IMMP2L: variants seen among roughly 807,000 people sequenced by gnomAD.
IMMP2L encodes inner mitochondrial membrane peptidase subunit 2.
Under a neutral mutation model 19.3 loss-of-function variants are expected in IMMP2L, and 18 were observed. That is an observed-to-expected ratio of 0.93 (90% CI 0.64 to 1.38). The LOEUF is 1.38. Ranked by LOEUF, IMMP2L falls within the 40% of genes most tolerant of loss-of-function variation. The pLI, the probability that IMMP2L is intolerant of heterozygous loss-of-function variation, is 0.00. For synonymous variants in IMMP2L, 76 were observed against 73.0 expected (o/e 1.04, Z -0.21); for missense variants, 233 against 218.2 (o/e 1.07, Z -0.43).
intron 3 of IMMP2L, among the ~76,000 whole-genome samples, chr7:111,199,048 G>T (rs777771984): frequency 6.6e-6 from 1 of 151,802 alleles, no homozygotes; most frequent in Non-Finnish European, 1.5e-5. Flanking sequence ...CTACATTTTC[G>T]AACTGCATTT....
At chr7:111,178,357 C>CT (rs1807310297) in intron 3 of IMMP2L, among the ~76,000 whole-genome samples, 1 of 152,084 alleles carries the variant, frequency 6.6e-6, no homozygotes, top group Non-Finnish European at 1.5e-5. Flanking sequence ...AATCCTTTAG[C>CT]TACTAGGGGG....
chr7:111,387,975 TAA>T (rs750267136), intron 3 of IMMP2L, among the ~76,000 whole-genome samples: 34 of 93,410 alleles, frequency 3.6e-4, no homozygotes, highest in African/African-American at 7.8e-4. Context: ...ACTCTGTCTT[TAA>T]AAAAAAAAAA....
intron 1 of IMMP2L, among the ~76,000 whole-genome samples, chr7:111,543,355 C>T (rs1341568606): frequency 6.6e-6 from 1 of 152,138 alleles, no homozygotes; most frequent in East Asian, 1.9e-4. Context: ...TAGTCACCTC[C>T]TGTACCTGGT....
chr7:111,386,464 T>C (rs1009263905), intron 3 of IMMP2L, among the ~76,000 whole-genome samples: 6 of 152,132 alleles, frequency 3.9e-5, no homozygotes, highest in African/African-American at 9.7e-5. Flanking sequence ...ATTGGCCCTA[T>C]GTAACCCCCA....
intron 3 of IMMP2L, among the ~76,000 whole-genome samples, chr7:111,249,608 A>G (rs187784028): frequency 2.6e-5 from 4 of 152,208 alleles, no homozygotes; most frequent in Non-Finnish European, 2.9e-5. Context: ...ATCCATTTAG[A>G]AGAGAAAGTC....
intron 3 of IMMP2L, among the ~76,000 whole-genome samples, chr7:110,965,826 G>T (rs1024766300): frequency 7.2e-5 from 11 of 152,056 alleles, no homozygotes; most frequent in African/African-American, 2.6e-4. Flanking sequence ...GCTGTTGAGG[G>T]ATTAGGGACA....
intron 5 of IMMP2L, among the ~76,000 whole-genome samples, chr7:110,876,731 T>C (rs112541688): frequency 0.041 from 6,243 of 152,206 alleles, 190 homozygotes; most frequent in Middle Eastern, 0.082. Context: ...TTTGAACCAA[T>C]AGTATTATCA....
intron 5 of IMMP2L, among the ~76,000 whole-genome samples, chr7:110,718,949 T>C (rs948668039): frequency 6.6e-6 from 1 of 152,102 alleles, no homozygotes; most frequent in African/African-American, 2.4e-5. Context: ...AATGACTAGA[T>C]CAAGGGGTCC....
chr7:111,111,583 C>A (rs1329430261), intron 3 of IMMP2L, among the ~76,000 whole-genome samples: 2 of 152,024 alleles, frequency 1.3e-5, no homozygotes, highest in East Asian at 3.9e-4. Context: ...GTATAGTAGT[C>A]AAATATTATA....
intron 5 of IMMP2L, among the ~76,000 whole-genome samples, chr7:110,779,062 T>C (rs1562970058): frequency 6.6e-6 from 1 of 151,976 alleles, no homozygotes; most frequent in Non-Finnish European, 1.5e-5. Flanking sequence ...GTAACGATTT[T>C]ATAAAATTTG....
intron 3 of IMMP2L, among the ~76,000 whole-genome samples, chr7:111,281,959 T>A (rs1429683024): frequency 7.2e-5 from 11 of 152,200 alleles, no homozygotes; most frequent in Non-Finnish European, 1.2e-4. Context: ...GCTAAGTTAT[T>A]TAGTATTATT....
intron 3 of IMMP2L, among the ~76,000 whole-genome samples, chr7:111,282,330 T>C (rs1819980548): frequency 6.6e-6 from 1 of 152,190 alleles, no homozygotes; most frequent in Admixed American, 6.5e-5. Context: ...CTTACAAAAA[T>C]GGAAATTCGG....
At chr7:110,693,511 G>A (rs1793658516) in intron 5 of IMMP2L, among the ~76,000 whole-genome samples, 1 of 152,136 alleles carries the variant, frequency 6.6e-6, no homozygotes, top group Non-Finnish European at 1.5e-5. Flanking sequence ...ATGAAACTAT[G>A]GGAACAGGAC....
intron 2 of IMMP2L, among the ~76,000 whole-genome samples, chr7:111,500,209 T>C (rs1040461179): frequency 6.6e-6 from 1 of 152,150 alleles, no homozygotes; most frequent in African/African-American, 2.4e-5. Context: ...CGCTGATTGC[T>C]AGCACAGCAG....
Position 111,410,170 on chromosome 7 carries a change from G to C in IMMP2L, c.239+77068C>G, listed in dbSNP as rs114086708. Among the ~76,000 whole-genome samples, 739 of 151,916 alleles carry C rather than the reference G, an allele frequency of 4.9e-3. 29 individuals are homozygous for C. The highest frequency in any genetic ancestry group is 0.017 in the African/African-American group (704 of 41,270). ...AGATCAATTTCAGGGGAGTTATAAAGTGAACAATTCCAAGAATGAAGAGCC... is the reference window on the plus strand; with the variant it reads ...AGATCAATTTCAGGGGAGTTATAAACTGAACAATTCCAAGAATGAAGAGCC... On this transcript the variant is annotated intron_variant, in intron 3 of 5. Coordinates refer to ENST00000405709, the MANE Select transcript of IMMP2L (RefSeq NM_032549.4).
intron 4 of IMMP2L, among the ~76,000 whole-genome samples, chr7:110,902,554 T>C (rs948997701): frequency 1.9e-4 from 29 of 150,862 alleles, no homozygotes; most frequent in Non-Finnish European, 5.9e-5. Flanking sequence ...TTGTCTGAAA[T>C]GTGGTTTAAT....
chr7:110,880,246 T>A (rs17158107), intron 5 of IMMP2L, among the ~76,000 whole-genome samples: 6,080 of 152,152 alleles, frequency 0.04, 393 homozygotes, highest in African/African-American at 0.14. Flanking sequence ...TTATGGCTCC[T>A]TTATGCAAAA....
At chr7:111,301,604 A>T (rs1408035726) in intron 3 of IMMP2L, among the ~76,000 whole-genome samples, 1 of 152,016 alleles carries the variant, frequency 6.6e-6, no homozygotes, top group Admixed American at 6.6e-5. Flanking sequence ...TATTTAAGCC[A>T]ATGATCCATT....
At chr7:111,162,835 C>T (rs1056614754) in intron 3 of IMMP2L, among the ~76,000 whole-genome samples, 5 of 151,872 alleles carry the variant, frequency 3.3e-5, no homozygotes, top group Admixed American at 6.6e-5. Flanking sequence ...TAGACACCCC[C>T]GCCCTCACCA....
Sources: gnomAD v4.1 joint callset for allele counts (sites outside exome capture counted in the v4.1 genomes callset) on GRCh38, gnomAD v4.1.1 for gene constraint, MANE v1.5 for transcripts, NCBI Gene and HGNC (gene_info 2026-07-23, HGNC 2026-07-21) for gene names.